The following ETV1 variants were observed in gnomAD, a reference collection of about 807,000 sequenced individuals.
ETV1 encodes ETS translocation variant 1.
In ETV1, 27 loss-of-function variants were observed where a neutral mutation model predicts 62.3. The observed-to-expected ratio is 0.43, with a 90% CI of 0.32 to 0.60. The LOEUF (loss-of-function observed/expected upper bound fraction) is 0.60. ETV1 is among the 20% of genes least tolerant of loss of function. ETV1 has a pLI of 0.06. For synonymous variants in ETV1, 222 were observed against 199.6 expected, an observed-to-expected ratio of 1.11 and a Z score of -0.94; for missense variants, 605 against 605.8, an observed-to-expected ratio of 1.00 and a Z score of 0.01.
At chr7:13,904,196 C>T (rs554286627) in intron 12 of ETV1, among the ~76,000 whole-genome samples, 93 of 152,296 alleles carry the variant, frequency 6.1e-4, no homozygotes, top group African/African-American at 1.8e-3. Flanking sequence ...AGCAATGCAG[C>T]AATCAGATAT....
intron 6 of ETV1, among the ~76,000 whole-genome samples, chr7:13,967,444 A>G (rs191926245): frequency 6.6e-6 from 1 of 152,314 alleles, no homozygotes; most frequent in East Asian, 1.9e-4. Flanking sequence ...TTAAAGCTTA[A>G]TCAGACATTG....
chr7:13,940,337 G>C (rs1466223397), intron 6 of ETV1, among the ~76,000 whole-genome samples: 1 of 149,862 alleles, frequency 6.7e-6, no homozygotes, highest in African/African-American at 2.5e-5. Context: ...ACTCCAGCCT[G>C]GGCAACAGAG....
chr7:13,901,186 G>A (rs374734635), intron 12 of ETV1, among the ~76,000 whole-genome samples: 2 of 152,076 alleles, frequency 1.3e-5, no homozygotes, highest in South Asian at 2.1e-4. Flanking sequence ...TGTATTTTTA[G>A]TAGAGGTGGG....
intron 6 of ETV1, among the ~76,000 whole-genome samples, chr7:13,968,928 A>G (rs910866604): frequency 1.2e-4 from 19 of 152,156 alleles, no homozygotes; most frequent in African/African-American, 4.6e-4. Flanking sequence ...GCCTACTTGC[A>G]AGATGGAGAG....
At chr7:13,932,341 G>C (rs569981933) in intron 8 of ETV1, among the ~76,000 whole-genome samples, 1 of 151,982 alleles carries the variant, frequency 6.6e-6, no homozygotes, top group Non-Finnish European at 1.5e-5. Context: ...AACAAAACTA[G>C]GTATTATAAG....
intron 6 of ETV1, among the ~76,000 whole-genome samples, chr7:13,965,481 T>C (rs1391003928): frequency 6.6e-6 from 1 of 152,128 alleles, no homozygotes; most frequent in Non-Finnish European, 1.5e-5. Flanking sequence ...AGAAACAGTT[T>C]TGAAGCTTGT....
At chr7:13,962,013 T>C (rs1469484229) in intron 6 of ETV1, among the ~76,000 whole-genome samples, 1 of 152,042 alleles carries the variant, frequency 6.6e-6, no homozygotes, top group African/African-American at 2.4e-5. Context: ...ACACAAAAAG[T>C]TAAGTTGATC....
In ETV1 at chr7:13,894,862, T is replaced by A. The variant is rs1392267697; in HGVS notation, c.*1004A>T. 1 of 232,520 alleles carries A rather than the reference T, an allele frequency of 4.3e-6. No homozygotes were observed. Among genetic ancestry groups the A allele is most frequent in the Non-Finnish European group, 8.5e-6 (1 of 117,494 alleles). 14.4% of individuals were successfully genotyped at this position (232,520 alleles called of 1,614,324 possible). On this transcript the variant is annotated 3_prime_UTR_variant, in exon 14 of 14. Coordinates refer to ENST00000430479, the MANE Select transcript of ETV1 (RefSeq NM_004956.5). ...GTACCATGTCTAAAAATTACTATAG[T>A]ACCTATTTAGTGTATTGGATATTTT... is the stretch of plus-strand genomic sequence containing the variant.
At chr7:13,988,632 AAAC>A in intron 3 of ETV1, 1 of 1,492,100 alleles carries the variant, frequency 6.7e-7, no homozygotes, top group Non-Finnish European at 9.0e-7. Flanking sequence ...AAAAAAAAAG[AAAC>A]AAAAACACCC....
At chr7:13,947,453 C>T (rs764130906) in intron 6 of ETV1, among the ~76,000 whole-genome samples, 7 of 150,194 alleles carry the variant, frequency 4.7e-5, no homozygotes, top group Non-Finnish European at 8.9e-5. Context: ...AAAGAATTGT[C>T]CCATACTCTA....
intron 6 of ETV1, among the ~76,000 whole-genome samples, chr7:13,970,439 C>T (rs1780786990): frequency 6.6e-6 from 1 of 152,038 alleles, no homozygotes; most frequent in Admixed American, 6.6e-5. Flanking sequence ...ACTAGTCATG[C>T]TTGAAATGGA....
In ETV1 at chr7:13,989,119, A is replaced by G. The variant is rs1782829974; in HGVS notation, c.-67T>C. The G allele has an allele frequency of 7.2e-7, 1 of 1,395,844 alleles. No homozygotes were observed. Among genetic ancestry groups the G allele is most frequent in the Non-Finnish European group, 1.0e-6 (1 of 1,004,242 alleles). 86.5% of individuals were successfully genotyped at this position (1,395,844 alleles called of 1,614,324 possible). ...TGAGCATTTAGCTGGAGATTTCCTCAGGATCTGGACTTCTATCAACCTAGA... is the reference window on the plus strand; with the variant it reads ...TGAGCATTTAGCTGGAGATTTCCTCGGGATCTGGACTTCTATCAACCTAGA... On this transcript the variant is annotated 5_prime_UTR_variant, in exon 3 of 14. Transcript: ENST00000430479.
intron 12 of ETV1, among the ~76,000 whole-genome samples, chr7:13,904,769 C>T (rs755756805): frequency 2.6e-5 from 4 of 152,004 alleles, no homozygotes; most frequent in Non-Finnish European, 5.9e-5. Context: ...GAAGAGCACA[C>T]ACTCCCATCA....
chr7:13,988,235 C>CGT, intron 3 of ETV1, 62 bp from the exon 4 acceptor site: 7 of 918,072 alleles, frequency 7.6e-6, no homozygotes, highest in Non-Finnish European at 1.0e-5. Flanking sequence ...CACACGCACA[C>CGT]GCGCGCGCAC....
intron 9 of ETV1, among the ~76,000 whole-genome samples, chr7:13,917,820 C>T (rs1246315594): frequency 3.3e-5 from 5 of 151,630 alleles, no homozygotes; most frequent in East Asian, 4.0e-4. Context: ...AAAAATTAGC[C>T]GGGCGTGGTG....
intron 5 of ETV1, among the ~76,000 whole-genome samples, chr7:13,983,631 T>TA (rs1782223969): frequency 6.6e-6 from 1 of 151,630 alleles, no homozygotes; most frequent in African/African-American, 2.4e-5. Flanking sequence ...CTTTTTTTTT[T>TA]TTTAACTACT....
Position 13,988,726 on chromosome 7 carries a change from T to C in ETV1, c.45+282A>G. On this transcript the variant is annotated intron_variant, in intron 3 of 13. Transcript: ENST00000430479. ...GACAAACCCAGCCAAAAACTTTGAGTGCAGCAGCTGCTGCTGCCCTCCATC... is the reference window on the plus strand; with the variant it reads ...GACAAACCCAGCCAAAAACTTTGAGCGCAGCAGCTGCTGCTGCCCTCCATC... 1.9e-6 allele frequency: 3 copies of C among 1,612,744 alleles called. No homozygotes were observed. The South Asian group carries it at 3.3e-5, about 18-fold the overall frequency.
chr7:13,895,744 T>C lies in ETV1; in HGVS notation c.*122A>G. The C allele has an allele frequency of 1.4e-6, 1 of 729,214 alleles. No homozygotes were observed. The highest frequency in any genetic ancestry group is 2.3e-6 in the Non-Finnish European group (1 of 438,220). 45.2% of individuals were successfully genotyped at this position (729,214 alleles called of 1,614,324 possible). ...ATAATGCAACAGGAAAAGCCCCTTT[T>C]TGTGTATTATTATTTAAAAATAAAA... On this transcript the variant is annotated 3_prime_UTR_variant, in exon 14 of 14. Transcript: ENST00000430479.
At chr7:13,896,675 T>TAAAC (rs1242150271) in intron 13 of ETV1, among the ~76,000 whole-genome samples, 5 of 19,406 alleles carry the variant, frequency 2.6e-4, no homozygotes, top group Non-Finnish European at 4.8e-4. Flanking sequence ...AGGAAAGAAA[T>TAAAC]AAAGAAAGAA....
Sources: gnomAD v4.1 joint callset for allele counts (sites outside exome capture counted in the v4.1 genomes callset) on GRCh38, gnomAD v4.1.1 for gene constraint, MANE v1.5 for transcripts, NCBI Gene and HGNC (gene_info 2026-07-23, HGNC 2026-07-21) for gene names.